The following TBC1D16 variants were observed in gnomAD, a reference collection of about 807,000 sequenced individuals.
TBC1D16 encodes the protein CTD-2529O21.1.
TBC1D16 carries 58 observed loss-of-function variants against 74.7 expected under a neutral mutation model. That is an observed-to-expected ratio of 0.78 (90% CI 0.63 to 0.97). The LOEUF is 0.97. Ranked by LOEUF, TBC1D16 falls within the 50% of genes least tolerant of loss-of-function variation. TBC1D16 has a pLI of 0.00. For synonymous variants in TBC1D16, 493 were observed against 474.7 expected (o/e 1.04, Z -0.50); for missense variants, 1,014 against 1,079.5 (o/e 0.94, Z 0.85).
intron 1 of TBC1D16, among the ~76,000 whole-genome samples, chr17:80,020,898 G>C (rs911694096): frequency 6.7e-6 from 1 of 150,032 alleles, no homozygotes; most frequent in Non-Finnish European, 1.5e-5. Context: ...GTTCACACTT[G>C]TAATTCCAAC....
rs1441430059 is a variant in TBC1D16 at position 79,987,938 on chromosome 17, CG to C, written c.779+22221del. 6.6e-6 allele frequency among the ~76,000 whole-genome samples: 1 copy of C among 151,902 alleles called. No individual in the cohort carries two copies. The highest frequency in any genetic ancestry group is 1.9e-4 in the East Asian group (1 of 5,190). ...AACCCTCCGAGGCTCTCGGATTTTA[CG>C]CCTGCATGAGATTTCGAGGGAAGAA... On this transcript the variant is annotated intron_variant, in intron 3 of 11. Transcript: ENST00000310924. This position sits in a 1 kb window ranked among gnomAD's most constrained non-coding sequence, Gnocchi z 5.2.
In TBC1D16 at chr17:80,010,603, C is replaced by G. The variant is rs1477332586; in HGVS notation, c.336G>C (p.Arg112=). 4.4e-6 allele frequency: 7 copies of G among 1,587,262 alleles called. No individual in the cohort carries two copies. In the South Asian group the frequency reaches 8.0e-5, roughly 18 times the overall value. ...CTCCTGAGCTCCGGGTGCGCCGGCC[C>G]CGAGGGCGGGGTGCCTTGCGAACGG... is the stretch of plus-strand genomic sequence containing the variant. The part of the protein sequence containing the change: ...SSPVRKAPRP[R]GRRTRSSGAS... The change falls in exon 3 of 12, where the codon CGG becomes CGC. Residue 112 remains arginine, a synonymous_variant. Coordinates refer to ENST00000310924, the MANE Select transcript of TBC1D16 (RefSeq NM_019020.4). The surrounding 1 kb of genome is among the most constrained non-coding windows in gnomAD (Gnocchi z 8.8).
chr17:79,986,005 C>T lies in TBC1D16; in HGVS notation c.779+24155G>A, dbSNP rs2034821227. Among the ~76,000 whole-genome samples the T allele has an allele frequency of 6.6e-6, 1 of 152,356 alleles. No individual in the cohort carries two copies. Among genetic ancestry groups the T allele is most frequent in the Non-Finnish European group, 1.5e-5 (1 of 68,038 alleles). On this transcript the variant is annotated intron_variant, in intron 3 of 11. Coordinates refer to ENST00000310924, the MANE Select transcript of TBC1D16 (RefSeq NM_019020.4). The surrounding 1 kb of genome is among the most constrained non-coding windows in gnomAD (Gnocchi z 6.0). ...CTCTTCTGCCAGGCGGCATAAGGGG[C>T]GCGGCCCTCCGCTCTTCAGAACGGC...
At chr17:79,953,833 C>A (rs967515731) in intron 3 of TBC1D16, among the ~76,000 whole-genome samples, 1 of 151,002 alleles carries the variant, frequency 6.6e-6, no homozygotes. Flanking sequence ...GTGCAGTGTG[C>A]GATCTCGGCT....
chr17:80,007,862 G>C lies in TBC1D16; in HGVS notation c.779+2298C>G, dbSNP rs535836920. On this transcript the variant is annotated intron_variant, in intron 3 of 11. Transcript: ENST00000310924. The surrounding 1 kb of genome is among the most constrained non-coding windows in gnomAD (Gnocchi z 4.5). ...GCTCAGCAGGGCCAGATGGTGATGGGCCTTGGACCCCGAGTGAAGGAGATG... is the reference window on the plus strand; with the variant it reads ...GCTCAGCAGGGCCAGATGGTGATGGCCCTTGGACCCCGAGTGAAGGAGATG... 9.2e-5 allele frequency among the ~76,000 whole-genome samples: 14 copies of C among 152,256 alleles called. No homozygotes were observed. Among genetic ancestry groups the C allele is most frequent in the African/African-American group, 3.1e-4 (13 of 41,550 alleles).
At chr17:79,949,409 C>G (rs536575574) in intron 7 of TBC1D16, among the ~76,000 whole-genome samples, 1 of 152,338 alleles carries the variant, frequency 6.6e-6, no homozygotes, top group African/African-American at 2.4e-5. Context: ...GCCTTCACCC[C>G]TCCAGGCCCT....
At chr17:79,991,515 G>A (rs1365308439) in intron 3 of TBC1D16, among the ~76,000 whole-genome samples, 1 of 152,202 alleles carries the variant, frequency 6.6e-6, no homozygotes, top group Non-Finnish European at 1.5e-5. Context: ...CCCTGACCAG[G>A]GGGACCTGGC....
rs1568620739 is a variant in TBC1D16, at chr17:79,995,561, A to AGATG, written c.779+14598_779+14599insCATC. On this transcript the variant is annotated intron_variant, in intron 3 of 11. Coordinates refer to ENST00000310924, the MANE Select transcript of TBC1D16 (RefSeq NM_019020.4). ...AGCACTTTGGGAGGCTGAGGTGGGC[A>AGATG]GATCACGAGGTCAGGAGATCAAGAT... is the stretch of plus-strand genomic sequence containing the variant. Among the ~76,000 whole-genome samples, 21 of 58,834 alleles carry AGATG rather than the reference A, an allele frequency of 3.6e-4. No homozygotes were observed. In the East Asian group the frequency reaches 8.7e-3, roughly 24 times the overall value. The allele number at this position is 58,834 out of a possible 152,430, so 38.6% of individuals were successfully genotyped here.
chr17:79,992,236 C>G (rs1252744322), intron 3 of TBC1D16: 1 of 152,448 alleles, frequency 6.6e-6, no homozygotes, highest in African/African-American at 2.4e-5. Context: ...CCCCACACTC[C>G]GCTGCTGTTC....
intron 1 of TBC1D16, among the ~76,000 whole-genome samples, chr17:80,024,527 G>A (rs62647775): frequency 0.98 from 126,717 of 129,632 alleles, 62,003 homozygotes; most frequent in Non-Finnish European, 0.99. Flanking sequence ...CGCACACCAT[G>A]CACACACCAC....
chr17:80,025,500 G>A (rs1182390843), intron 1 of TBC1D16, among the ~76,000 whole-genome samples: 1 of 149,950 alleles, frequency 6.7e-6, no homozygotes, highest in Non-Finnish European at 1.5e-5. Flanking sequence ...TAAGGGGCCT[G>A]GCAAATGCCC....
chr17:79,944,963 T>A lies in TBC1D16; in HGVS notation c.1853A>T (p.Glu618Val). The A allele has an allele frequency of 6.4e-7, 1 of 1,558,138 alleles. No individual in the cohort carries two copies. The highest frequency in any genetic ancestry group is 1.2e-5 in the South Asian group (1 of 84,492). Residue 618 changes from glutamate to valine, a missense_variant, in exon 10 of 12, where the codon GAG becomes GTG. Glu to Val is a moderately radical substitution (Grantham distance 121). Transcript: ENST00000310924. The surrounding 1 kb of genome is among the most constrained non-coding windows in gnomAD (Gnocchi z 7.7). ...CCGCAGCGCTTCGGCCTCGGGGAAC[T>A]CCCGCTTGAAGCACAGAAGGAGCCA... ...HRWLLLCFKR[E>V]FPEAEALRIW...
rs2034554754 is a variant in TBC1D16, at chr17:79,980,933, C to T, written c.780-28115G>A. Among the ~76,000 whole-genome samples, 1 of 152,172 alleles carries T rather than the reference C, an allele frequency of 6.6e-6. No homozygotes were observed. The highest frequency in any genetic ancestry group is 1.5e-5 in the Non-Finnish European group (1 of 68,032). Reference sequence around the variant, plus strand: ...ACCATGGCTAGGGGTTGTGACGTGACCTGGGCCCCGGGAGGCCCTGAGGGA... The same window carrying T: ...ACCATGGCTAGGGGTTGTGACGTGATCTGGGCCCCGGGAGGCCCTGAGGGA... On this transcript the variant is annotated intron_variant, in intron 3 of 11. Coordinates refer to ENST00000310924, the MANE Select transcript of TBC1D16 (RefSeq NM_019020.4). The surrounding 1 kb of genome is among the most constrained non-coding windows in gnomAD (Gnocchi z 7.0).
At chr17:79,963,959 GGTT>G (rs2033731931) in intron 3 of TBC1D16, among the ~76,000 whole-genome samples, 1 of 151,186 alleles carries the variant, frequency 6.6e-6, no homozygotes, top group Admixed American at 6.6e-5. Flanking sequence ...TTGGTTGTTT[GGTT>G]GTTTTTTGTG....
At position 79,940,832 on chromosome 17, in the gene TBC1D16, A is replaced by AC. The variant is rs2031903310; in HGVS notation, c.*26dup. The AC allele has an allele frequency of 2.0e-6, 3 of 1,507,764 alleles. No individual in the cohort carries two copies. In the Admixed American group the frequency reaches 6.1e-5, roughly 30 times the overall value. The allele number at this position is 1,507,764 out of a possible 1,614,324, so 93.4% of individuals were successfully genotyped here. A position where few individuals can be genotyped will look rare whatever the true frequency, so the allele number is the denominator to read the frequency against. ...CAGGGCCTCTGAGGAGGTCCCCTCAACCCCTGTCCGGTGTCGGGGGCCCGA... is the reference window on the plus strand; with the variant it reads ...CAGGGCCTCTGAGGAGGTCCCCTCAACCCCCTGTCCGGTGTCGGGGGCCCGA... On this transcript the variant is annotated 3_prime_UTR_variant, in exon 12 of 12. Coordinates refer to ENST00000310924, the MANE Select transcript of TBC1D16 (RefSeq NM_019020.4). This position sits in a 1 kb window ranked among gnomAD's most constrained non-coding sequence, Gnocchi z 5.4.
rs542992041 is a variant in TBC1D16 at position 79,934,214 on chromosome 17, A to G, written c.*6645T>C. The G allele has an allele frequency of 4.6e-5, 7 of 152,434 alleles. No individual in the cohort carries two copies. The East Asian group carries it at 5.8e-4, about 13-fold the overall frequency. 9.4% of individuals were successfully genotyped at this position (152,434 alleles called of 1,614,324 possible). On this transcript the variant is annotated 3_prime_UTR_variant, in exon 12 of 12. Transcript: ENST00000310924. ...GAAGTAGGGCACAGCAGAGGTGAACATGAGGATGATGCTGCGTCTGGGCTG... is the reference window on the plus strand; with the variant it reads ...GAAGTAGGGCACAGCAGAGGTGAACGTGAGGATGATGCTGCGTCTGGGCTG...
chr17:79,972,994 A>G (rs11652119), intron 3 of TBC1D16, among the ~76,000 whole-genome samples: 15,528 of 152,176 alleles, frequency 0.1, 983 homozygotes, highest in Non-Finnish European at 0.14. Flanking sequence ...AAGCGGGAGA[A>G]TCACTTGAAC....
chr17:80,035,666 G>A lies in TBC1D16; in HGVS notation c.-63+129C>T, dbSNP rs2036970000. ...GACCCCGGCCCCTCCCCGGTCCCGC[G>A]GCTGCAGGCCCACGCGCCCCACGCG... is the stretch of plus-strand genomic sequence containing the variant. On this transcript the variant is annotated intron_variant, in intron 1 of 11. Transcript: ENST00000310924. This position sits in a 1 kb window ranked among gnomAD's most constrained non-coding sequence, Gnocchi z 5.3. The A allele has an allele frequency of 6.7e-6, 1 of 149,350 alleles. No homozygotes were observed. The highest frequency in any genetic ancestry group is 2.1e-4 in the South Asian group (1 of 4,828). The allele number at this position is 149,350 out of a possible 1,614,324, so 9.3% of individuals were successfully genotyped here. A position where few individuals can be genotyped will look rare whatever the true frequency, so the allele number is the denominator to read the frequency against.
At chr17:80,016,726 G>A (rs12944642) in intron 1 of TBC1D16, among the ~76,000 whole-genome samples, 53,899 of 151,940 alleles carry the variant, frequency 0.35, 10,563 homozygotes, top group Admixed American at 0.46. Context: ...GCGGCTCAGC[G>A]CTCTCTGCCT....
Sources: gnomAD v4.1 joint callset for allele counts (sites outside exome capture counted in the v4.1 genomes callset) on GRCh38, gnomAD v4.1.1 for gene constraint, Gnocchi (gnomAD v3.1) non-coding constraint, MANE v1.5 for transcripts, NCBI Gene and HGNC (gene_info 2026-07-23, HGNC 2026-07-21) for gene names.